The following PLEKHH2 variants were observed in gnomAD, a reference collection of about 807,000 sequenced individuals.
PLEKHH2 encodes the protein pleckstrin homology domain-containing family H member 2.
A neutral mutation model predicts 187.9 loss-of-function variants in PLEKHH2; 129 were observed. The ratio of observed to expected loss-of-function variants is 0.69; its 90% CI spans 0.59 to 0.79. PLEKHH2 has a LOEUF of 0.79. PLEKHH2 is among the 30% of genes least tolerant of loss of function. The pLI is 0.00. For synonymous variants in PLEKHH2, 686 were observed against 605.6 expected, an observed-to-expected ratio of 1.13 and a Z score of -1.95; for missense variants, 2,076 against 1,751.2, an observed-to-expected ratio of 1.19 and a Z score of -3.31.
chr2:43,678,972 A>C, intron 3 of PLEKHH2, 47 bp downstream of exon 3: 1 of 1,298,816 alleles, frequency 7.7e-7, no homozygotes, highest in Non-Finnish European at 1.1e-6. Flanking sequence ...TACTACTCAC[A>C]TAAAGATTGT....
At chr2:43,733,701 C>T (rs941503934) in intron 19 of PLEKHH2, among the ~76,000 whole-genome samples, 2 of 152,142 alleles carry the variant, frequency 1.3e-5, no homozygotes, top group African/African-American at 4.8e-5. Flanking sequence ...CATTAAAATA[C>T]TCCAGAGGAG....
intron 2 of PLEKHH2, among the ~76,000 whole-genome samples, chr2:43,670,346 A>C (rs959669177): frequency 6.6e-6 from 1 of 152,178 alleles, no homozygotes; most frequent in Admixed American, 6.5e-5. Flanking sequence ...AGAACTCAGA[A>C]AATATTGTTC....
At chr2:43,737,999 C>T (rs1371129463) in intron 19 of PLEKHH2, among the ~76,000 whole-genome samples, 1 of 152,148 alleles carries the variant, frequency 6.6e-6, no homozygotes, top group Non-Finnish European at 1.5e-5. Context: ...ATGAAAAATG[C>T]AGTGACTAAA....
At chr2:43,748,443 G>C (rs1671868896) in intron 24 of PLEKHH2, among the ~76,000 whole-genome samples, 1 of 152,192 alleles carries the variant, frequency 6.6e-6, no homozygotes, top group African/African-American at 2.4e-5. Context: ...GATTATTATT[G>C]TAGTTCTGTT....
chr2:43,744,867 C>CAAAAAAAAAAAA (rs774106764), intron 23 of PLEKHH2, among the ~76,000 whole-genome samples: 16 of 82,652 alleles, frequency 1.9e-4, no homozygotes, highest in African/African-American at 2.6e-4. Flanking sequence ...GACTGTCTCA[C>CAAAAAAAAAAAA]AAAAAAAAAA....
At chr2:43,651,220 A>T (rs1558417893) in intron 2 of PLEKHH2, among the ~76,000 whole-genome samples, 1 of 151,840 alleles carries the variant, frequency 6.6e-6, no homozygotes, top group South Asian at 2.1e-4. Flanking sequence ...TGTATTCATT[A>T]TGCCTGCCTC....
In PLEKHH2 at chr2:43,731,501, T is replaced by C; in HGVS notation, c.2842T>C (p.Trp948Arg). Reference sequence around the variant, plus strand: ...TATTCTGCATTTAGCCTCTCAGATATGGAGACACCCCACTTTGTGTCACAG... The same window carrying C: ...TATTCTGCATTTAGCCTCTCAGATACGGAGACACCCCACTTTGTGTCACAG... ...NIDGEPSSQI[W>R]RHPTLCHSKE... Residue 948 changes from tryptophan to arginine, a missense_variant, in exon 19 of 30, where the codon TGG becomes CGG. Coordinates refer to ENST00000282406, the MANE Select transcript of PLEKHH2 (RefSeq NM_172069.4). The C allele has an allele frequency of 6.3e-7, 1 of 1,589,754 alleles. No homozygotes were observed. Among genetic ancestry groups the C allele is most frequent in the Non-Finnish European group, 8.6e-7 (1 of 1,159,160 alleles).
intron 7 of PLEKHH2, among the ~76,000 whole-genome samples, chr2:43,699,445 A>G (rs1669245382): frequency 6.6e-6 from 1 of 152,088 alleles, no homozygotes; most frequent in Admixed American, 6.5e-5. Context: ...GTGGCTGATC[A>G]TAGCTCACTG....
chr2:43,696,275 C>T (rs1458821858), intron 6 of PLEKHH2, among the ~76,000 whole-genome samples: 1 of 152,074 alleles, frequency 6.6e-6, no homozygotes, highest in Non-Finnish European at 1.5e-5. Context: ...GAGTTTGAGA[C>T]CAGCCTTGGC....
Position 43,707,531 on chromosome 2 carries a change from G to C in PLEKHH2, c.1952G>C (p.Arg651Thr), listed in dbSNP as rs1158910734. 2 of 1,613,836 alleles carry C rather than the reference G, an allele frequency of 1.2e-6. No homozygotes were observed. Among genetic ancestry groups the C allele is most frequent in the African/African-American group, 2.7e-5 (2 of 74,916 alleles). The change falls in exon 11 of 30, where the codon AGA becomes ACA. Residue 651 changes from arginine to threonine, a missense_variant. Coordinates refer to ENST00000282406, the MANE Select transcript of PLEKHH2 (RefSeq NM_172069.4). ...SRSRSGPGSP[R>T]AMKRGVSLSS... is the part of the protein sequence containing the mutation. Reference sequence around the variant, plus strand: ...AGTAGGAGTGGGCCAGGCAGCCCCAGAGCCATGAAACGAGGTGAGGGAAAA... The same window carrying C: ...AGTAGGAGTGGGCCAGGCAGCCCCACAGCCATGAAACGAGGTGAGGGAAAA...
At chr2:43,695,835 C>T (rs1308936568) in intron 6 of PLEKHH2, among the ~76,000 whole-genome samples, 1 of 152,128 alleles carries the variant, frequency 6.6e-6, no homozygotes, top group East Asian at 1.9e-4. Flanking sequence ...GTCACAGATA[C>T]CATACATTTG....
In PLEKHH2 at chr2:43,765,631, C is replaced by G. The variant is rs757774289; in HGVS notation, c.*33C>G. On this transcript the variant is annotated 3_prime_UTR_variant, in exon 30 of 30. Transcript: ENST00000282406. ...GGAGCCTGAACATTCACTCCTTGTC[C>G]TCCATGCTGTGGCTGTATCAGCTCC... The G allele has an allele frequency of 2.5e-6, 4 of 1,598,014 alleles. No individual in the cohort carries two copies. The highest frequency in any genetic ancestry group is 1.7e-5 in the Admixed American group (1 of 57,390).
intron 20 of PLEKHH2, 67 bp from the exon 21 acceptor site, chr2:43,740,879 C>T (rs1671531083): frequency 1.0e-5 from 16 of 1,582,090 alleles, no homozygotes; most frequent in South Asian, 7.1e-5. Context: ...CAGCCCATTG[C>T]ACTCACTCAG....
chr2:43,699,436 T>C (rs764108012), intron 7 of PLEKHH2, among the ~76,000 whole-genome samples: 27 of 152,154 alleles, frequency 1.8e-4, no homozygotes, highest in Non-Finnish European at 3.8e-4. Context: ...TGGAGTGCAG[T>C]GGCTGATCAT....
chr2:43,678,043 T>TG (rs1667945431), intron 2 of PLEKHH2, among the ~76,000 whole-genome samples: 1 of 144,252 alleles, frequency 6.9e-6, no homozygotes. Context: ...CGAGGCGGCC[T>TG]GGCAGAGACG....
intron 3 of PLEKHH2, chr2:43,680,957 T>C: frequency 2.0e-6 from 2 of 1,005,316 alleles, no homozygotes; most frequent in Non-Finnish European, 1.4e-6. Flanking sequence ...TTTTACTACA[T>C]ACACTGGATT....
intron 4 of PLEKHH2, 41 bp downstream of exon 4, chr2:43,692,704 C>T (rs1393806344): frequency 4.5e-6 from 7 of 1,561,924 alleles, no homozygotes; most frequent in East Asian, 2.3e-5. Context: ...TGTGTGCACT[C>T]ATTTGTGCAT....
chr2:43,736,940 G>A (rs1249687863), intron 19 of PLEKHH2, among the ~76,000 whole-genome samples: 3 of 152,120 alleles, frequency 2.0e-5, no homozygotes, highest in Non-Finnish European at 4.4e-5. Context: ...GTGTATGTGC[G>A]GAAAGTACCT....
chr2:43,689,128 G>A (rs1043436560), intron 3 of PLEKHH2, among the ~76,000 whole-genome samples: 6 of 152,294 alleles, frequency 3.9e-5, no homozygotes, highest in African/African-American at 1.4e-4. Flanking sequence ...GGGCATCAGA[G>A]GTTGTCTCCC....
Sources: gnomAD v4.1 joint callset for allele counts (sites outside exome capture counted in the v4.1 genomes callset) on GRCh38, gnomAD v4.1.1 for gene constraint, MANE v1.5 for transcripts, NCBI Gene and HGNC (gene_info 2026-07-23, HGNC 2026-07-21) for gene names.